The following ANKRD18B variants were observed in gnomAD, a reference collection of about 807,000 sequenced individuals.
The protein encoded by ANKRD18B is ankyrin repeat domain-containing protein 18B.
Under a neutral mutation model 111.8 loss-of-function variants are expected in ANKRD18B, and 75 were observed. That is an observed-to-expected ratio of 0.67 (90% CI 0.56 to 0.81). The LOEUF is 0.81. Among genes scored for constraint, ANKRD18B ranks in the 40% least tolerant of loss-of-function variants. ANKRD18B has a pLI of 0.00. For synonymous variants in ANKRD18B, 356 were observed against 417.3 expected (o/e 0.85, Z 1.79); for missense variants, 1,038 against 1,225.5 (o/e 0.85, Z 2.28).
intron 11 of ANKRD18B, among the ~76,000 whole-genome samples, chr9:33,549,065 C>G (rs998767521): frequency 1.3e-5 from 2 of 151,980 alleles, no homozygotes; most frequent in Non-Finnish European, 2.9e-5. Context: ...GGAAGCGGGT[C>G]GTGACTGCTA....
At chr9:33,556,349 T>C (rs1828526943) in intron 13 of ANKRD18B, among the ~76,000 whole-genome samples, 1 of 151,436 alleles carries the variant, frequency 6.6e-6, no homozygotes. Context: ...CTGCAACCTC[T>C]GCCACCTGGG....
intron 16 of ANKRD18B, among the ~76,000 whole-genome samples, chr9:33,567,706 A>C (rs1828708278): frequency 6.6e-6 from 1 of 152,184 alleles, no homozygotes; most frequent in African/African-American, 2.4e-5. Context: ...ACCTGAACCC[A>C]AAGTGTCAAG....
intron 14 of ANKRD18B, 92 bp downstream of exon 14, chr9:33,558,279 G>C: frequency 3.6e-6 from 5 of 1,403,688 alleles, no homozygotes; most frequent in Non-Finnish European, 4.8e-6. Flanking sequence ...TGCCATGATG[G>C]TTTGCTGCAC....
Position 33,548,039 on chromosome 9 carries a change from T to A in ANKRD18B, c.1251T>A (p.Asn417Lys). 2.0e-6 allele frequency: 3 copies of A among 1,530,694 alleles called. No individual in the cohort carries two copies. The highest frequency in any genetic ancestry group is 1.8e-6 in the Non-Finnish European group (2 of 1,140,700). The allele number at this position is 1,530,694 out of a possible 1,614,324, so 94.8% of individuals were successfully genotyped here. A position where few individuals can be genotyped will look rare whatever the true frequency, so the allele number is the denominator to read the frequency against. Residue 417 changes from asparagine (N) to lysine (K), a missense_variant, in exon 11 of 19, where the codon AAT becomes AAA. This residue lies in a region of ANKRD18B where 205 missense variants were observed against 201.3 expected (regional missense o/e 1.02). Coordinates refer to ENST00000684830, the MANE Select transcript of ANKRD18B (RefSeq NM_001393611.1). ...MLKEELYAIK[N>K]DSLRKEKKYI... ...AAGAGGAATTATATGCAATAAAAAATGACAGTCTCAGAAAGGAAAAGAAAT... is the reference window on the plus strand; with the variant it reads ...AAGAGGAATTATATGCAATAAAAAAAGACAGTCTCAGAAAGGAAAAGAAAT...
intron 14 of ANKRD18B, among the ~76,000 whole-genome samples, chr9:33,561,441 C>T (rs377462515): frequency 9.9e-5 from 15 of 152,212 alleles, no homozygotes; most frequent in African/African-American, 3.6e-4. Context: ...ATGTAAGTCC[C>T]TTATCAGATA....
intron 14 of ANKRD18B, among the ~76,000 whole-genome samples, chr9:33,565,164 A>G (rs1828666466): frequency 6.6e-6 from 1 of 152,200 alleles, no homozygotes; most frequent in African/African-American, 2.4e-5. Context: ...TTACATTTCA[A>G]TCTTCAATTG....
At chr9:33,524,780 C>A in intron 1 of ANKRD18B, 85 bp downstream of exon 1, 1 of 1,455,424 alleles carries the variant, frequency 6.9e-7, no homozygotes, top group East Asian at 2.5e-5. Flanking sequence ...CGGAGTTCGC[C>A]GGGACCCTGG....
At chr9:33,546,017 C>T (rs1428332771) in intron 10 of ANKRD18B, among the ~76,000 whole-genome samples, 2 of 152,138 alleles carry the variant, frequency 1.3e-5, no homozygotes, top group Admixed American at 1.3e-4. Context: ...GGCATATGGG[C>T]TGGGAAAATT....
At chr9:33,556,611 C>G (rs542552980) in intron 13 of ANKRD18B, among the ~76,000 whole-genome samples, 1 of 152,138 alleles carries the variant, frequency 6.6e-6, no homozygotes, top group Non-Finnish European at 1.5e-5. Flanking sequence ...TAATGTCAAG[C>G]GCACTTTTCA....
At chr9:33,571,586 C>G (rs1373188524) in intron 18 of ANKRD18B, 2 of 154,664 alleles carry the variant, frequency 1.3e-5, no homozygotes, top group African/African-American at 4.8e-5. Flanking sequence ...TGTCAGCCAG[C>G]ACACTGAAAC....
intron 14 of ANKRD18B, among the ~76,000 whole-genome samples, chr9:33,564,725 T>C (rs1228197774): frequency 6.6e-6 from 1 of 152,212 alleles, no homozygotes; most frequent in East Asian, 1.9e-4. Flanking sequence ...TTTTCTATGA[T>C]AGCCATTTAT....
intron 11 of ANKRD18B, among the ~76,000 whole-genome samples, chr9:33,549,143 G>A (rs575706162): frequency 2.6e-5 from 4 of 152,262 alleles, no homozygotes; most frequent in Admixed American, 6.5e-5. Context: ...ATGGTTGCAC[G>A]ACACAGTAAA....
chr9:33,527,626 A>G (rs1247067930), intron 1 of ANKRD18B, among the ~76,000 whole-genome samples: 1 of 152,178 alleles, frequency 6.6e-6, no homozygotes, highest in Admixed American at 6.5e-5. Context: ...GGCCAGCTGC[A>G]TGTTTTTAAA....
chr9:33,575,269 T>A (rs185018611), downstream of ANKRD18B, among the ~76,000 whole-genome samples: 141 of 152,280 alleles, frequency 9.3e-4, 1 homozygote, highest in East Asian at 0.017. Context: ...ATAACCAAGA[T>A]GCAGGTCCAG....
At chr9:33,567,779 T>C (rs1479821801) in intron 16 of ANKRD18B, among the ~76,000 whole-genome samples, 1 of 152,232 alleles carries the variant, frequency 6.6e-6, no homozygotes, top group African/African-American at 2.4e-5. Flanking sequence ...GTGTGATCTT[T>C]AGGTGTTATC....
chr9:33,569,200 G>A, intron 17 of ANKRD18B: 1 of 211,842 alleles, frequency 4.7e-6, no homozygotes, highest in Non-Finnish European at 9.2e-6. Context: ...ATAACTGATG[G>A]TATACTTTGA....
intron 3 of ANKRD18B, among the ~76,000 whole-genome samples, chr9:33,531,600 C>T (rs577553881): frequency 1.1e-4 from 16 of 150,612 alleles, no homozygotes; most frequent in South Asian, 2.1e-4. Flanking sequence ...GCTACTGTGC[C>T]CACCTGAGTA....
rs1828306501 is a variant in ANKRD18B, at chr9:33,543,245, A to G, written c.1139A>G (p.Lys380Arg). The change falls in exon 10 of 19, where the codon AAA becomes AGA. Residue 380 changes from lysine to arginine, a missense_variant. Transcript: ENST00000684830. ...GAAAGGCTTGAAAGAAGTGAAAATA[A>G]ACAGCCGCAGGTATATAACAATTTA... ...KQERLERSEN[K>R]QPQDSQSYGK... 2.6e-6 allele frequency: 4 copies of G among 1,551,204 alleles called. No individual in the cohort carries two copies. The highest frequency in any genetic ancestry group is 3.5e-6 in the Non-Finnish European group (4 of 1,146,622).
intron 14 of ANKRD18B, among the ~76,000 whole-genome samples, chr9:33,561,145 T>A: frequency 6.6e-6 from 1 of 152,208 alleles, no homozygotes; most frequent in African/African-American, 2.4e-5. Flanking sequence ...CCACTTTACA[T>A]CCCCGGCAGC....
Sources: gnomAD v4.1 joint callset for allele counts (sites outside exome capture counted in the v4.1 genomes callset) on GRCh38, gnomAD v4.1.1 for gene constraint, gnomAD v4.1.1 regional missense constraint, MANE v1.5 for transcripts, NCBI Gene and HGNC (gene_info 2026-07-23, HGNC 2026-07-21) for gene names.